Variants in NTRK2 observed in about 807,000 individuals in gnomAD.
The protein encoded by NTRK2 is BDNF/NT-3 growth factors receptor.
NTRK2 carries 13 observed loss-of-function variants against 94.5 expected under a neutral mutation model. That is an observed-to-expected ratio of 0.14 (90% CI 0.09 to 0.22). The LOEUF (loss-of-function observed/expected upper bound fraction) is 0.22, where lower values mean the gene tolerates loss of function less well. NTRK2 is among the 10% of genes least tolerant of loss of function. The pLI, the probability that NTRK2 is intolerant of heterozygous loss-of-function variation, is 1.00. For synonymous variants in NTRK2, 372 were observed against 407.4 expected (o/e 0.91, Z 1.05); for missense variants, 639 against 1,071.2 (o/e 0.60, Z 5.63).
intron 14 of NTRK2, among the ~76,000 whole-genome samples, chr9:84,917,795 T>C (rs994446679): frequency 2.6e-5 from 4 of 152,210 alleles, no homozygotes; most frequent in African/African-American, 9.7e-5. Flanking sequence ...ACTCCTCTGC[T>C]CAATGAGCCA....
intron 12 of NTRK2, among the ~76,000 whole-genome samples, chr9:84,767,565 T>A (rs1178370691): frequency 2.0e-5 from 3 of 152,130 alleles, no homozygotes; most frequent in African/African-American, 7.2e-5. Context: ...ATTATCCAAA[T>A]CTCCTAAAAT....
At chr9:84,766,330 A>T (rs931860564) in intron 12 of NTRK2, among the ~76,000 whole-genome samples, 1 of 152,068 alleles carries the variant, frequency 6.6e-6, no homozygotes, top group Admixed American at 6.6e-5. Context: ...GCAGAGAGGG[A>T]TGGAAATGCA....
chr9:84,926,177 T>C (rs796283838), intron 14 of NTRK2, among the ~76,000 whole-genome samples: 109 of 62,584 alleles, frequency 1.7e-3, no homozygotes, highest in Middle Eastern at 6.7e-3. Flanking sequence ...TTCCTTTCTT[T>C]CTTTCTTTCT....
chr9:84,670,754 G>C lies in NTRK2; in HGVS notation c.6G>C (p.Ser2=). ...GCTGGCACTGGCTGCTAGGGATGTC[G>C]TCCTGGATAAGGTGGCATGGACCCG... M[S]SWIRWHGPAM... Residue 2 remains serine, a synonymous_variant, in exon 2 of 19, where the codon TCG becomes TCC. Coordinates refer to ENST00000277120, the MANE Select transcript of NTRK2 (RefSeq NM_006180.6). 1 of 1,612,888 alleles carries C rather than the reference G, an allele frequency of 6.2e-7. No individual in the cohort carries two copies. The highest frequency in any genetic ancestry group is 8.5e-7 in the Non-Finnish European group (1 of 1,180,032).
chr9:84,780,970 A>G lies in NTRK2; in HGVS notation c.1396+28885A>G, dbSNP rs570066354. Reference sequence around the variant, plus strand: ...GTATGGTTCTGATAAATATTCTGTCAGGAATTCTATATTTGAGTCTTTTTT... The same window carrying G: ...GTATGGTTCTGATAAATATTCTGTCGGGAATTCTATATTTGAGTCTTTTTT... On this transcript the variant is annotated intron_variant, in intron 12 of 18. Transcript: ENST00000277120. 5.3e-5 allele frequency among the ~76,000 whole-genome samples: 8 copies of G among 152,318 alleles called. 1 individual carries two copies. The South Asian group carries it at 1.7e-3, about 32-fold the overall frequency.
chr9:84,894,024 G>A (rs1184822699), intron 14 of NTRK2, among the ~76,000 whole-genome samples: 2 of 151,268 alleles, frequency 1.3e-5, no homozygotes, highest in Admixed American at 6.6e-5. Context: ...TGTTCAATCC[G>A]GGGGGCGCGG....
At chr9:84,751,204 C>T (rs2064568677) in intron 11 of NTRK2, among the ~76,000 whole-genome samples, 1 of 152,092 alleles carries the variant, frequency 6.6e-6, no homozygotes, top group Non-Finnish European at 1.5e-5. Context: ...TTAAAAATAG[C>T]CTTTTATTAT....
At chr9:84,680,887 C>T (rs1354401144) in intron 2 of NTRK2, among the ~76,000 whole-genome samples, 4 of 152,222 alleles carry the variant, frequency 2.6e-5, no homozygotes, top group Non-Finnish European at 4.4e-5. Context: ...TCATTTCTCA[C>T]TCCCTCCTTC....
chr9:85,002,053 A>G (rs1565446), intron 17 of NTRK2, among the ~76,000 whole-genome samples: 111,143 of 152,050 alleles, frequency 0.73, 41,267 homozygotes, highest in African/African-American at 0.82. Context: ...CAAACAGGAA[A>G]TCTCCCTGCT....
chr9:84,846,674 C>T lies in NTRK2; in HGVS notation c.1397-14366C>T, dbSNP rs190670564. Among the ~76,000 whole-genome samples, 169 of 152,314 alleles carry T rather than the reference C, an allele frequency of 1.1e-3. 1 individual carries two copies. The highest frequency in any genetic ancestry group is 3.9e-3 in the African/African-American group (162 of 41,566). On this transcript the variant is annotated intron_variant, in intron 12 of 18. Transcript: ENST00000277120. ...TCATGTACCTGGGCTGATGAATGCC[C>T]GTCTCTCCAGTTACACTGTAATCCA...
intron 17 of NTRK2, among the ~76,000 whole-genome samples, chr9:84,990,163 A>AAG: frequency 6.6e-6 from 1 of 151,738 alleles, no homozygotes; most frequent in South Asian, 2.1e-4. Context: ...ATAGTCTCTC[A>AAG]AAGGCCAGGC....
At chr9:85,011,410 C>G (rs993766246) in intron 17 of NTRK2, among the ~76,000 whole-genome samples, 1 of 152,138 alleles carries the variant, frequency 6.6e-6, no homozygotes, top group Admixed American at 6.5e-5. Flanking sequence ...CATCAAAGCC[C>G]TAGCCCTTAG....
chr9:84,811,097 T>G (rs552035965), intron 12 of NTRK2: 1 of 1,069,090 alleles, frequency 9.4e-7, no homozygotes, highest in Non-Finnish European at 1.1e-6. Flanking sequence ...ATTCAGAGGG[T>G]TTGACTTTTT....
At chr9:84,838,306 C>CA (rs919900895) in intron 12 of NTRK2, among the ~76,000 whole-genome samples, 3 of 150,020 alleles carry the variant, frequency 2.0e-5, no homozygotes, top group African/African-American at 4.9e-5. Context: ...CTTACAATAG[C>CA]AAAAAAAAGG....
At chr9:84,936,687 T>G (rs2078223843) in intron 15 of NTRK2, among the ~76,000 whole-genome samples, 1 of 152,212 alleles carries the variant, frequency 6.6e-6, no homozygotes, top group Non-Finnish European at 1.5e-5. Context: ...CAAGATTTAA[T>G]TCTTTGTTAA....
At chr9:85,000,001 C>T (rs1047926437) in intron 17 of NTRK2, among the ~76,000 whole-genome samples, 3 of 152,144 alleles carry the variant, frequency 2.0e-5, no homozygotes, top group Non-Finnish European at 4.4e-5. Flanking sequence ...TTAAATGGCA[C>T]GAATGGAAGC....
intron 12 of NTRK2, among the ~76,000 whole-genome samples, chr9:84,767,410 T>C (rs1193106925): frequency 6.6e-6 from 1 of 152,236 alleles, no homozygotes; most frequent in Admixed American, 6.5e-5. Context: ...CTCAAGATTT[T>C]TGAGGCCATG....
At chr9:84,875,678 G>T in intron 14 of NTRK2, 1 of 1,054,568 alleles carries the variant, frequency 9.5e-7, no homozygotes, top group Non-Finnish European at 1.1e-6. Context: ...ACCTCTGATA[G>T]CTGGAGTCTC....
At chr9:84,959,287 T>G (rs541929536) in intron 17 of NTRK2, among the ~76,000 whole-genome samples, 65 of 152,330 alleles carry the variant, frequency 4.3e-4, no homozygotes, top group Middle Eastern at 3.4e-3. Context: ...TGGGTTTTTT[T>G]TGTTTGTTTT....
Sources: gnomAD v4.1 joint callset for allele counts (sites outside exome capture counted in the v4.1 genomes callset) on GRCh38, gnomAD v4.1.1 for gene constraint, MANE v1.5 for transcripts, NCBI Gene and HGNC (gene_info 2026-07-23, HGNC 2026-07-21) for gene names.